Variants in ENTPD7 observed in about 807,000 individuals in gnomAD.
ENTPD7 encodes the protein ectonucleoside triphosphate diphosphohydrolase 7, also known as NTPDase 7.
In ENTPD7, 53 loss-of-function variants were observed where a neutral mutation model predicts 77.9. The ratio of observed to expected loss-of-function variants is 0.68; its 90% CI spans 0.55 to 0.85. ENTPD7 has a LOEUF of 0.85. Ranked by LOEUF, ENTPD7 falls within the 40% of genes least tolerant of loss-of-function variation. The probability of loss-of-function intolerance (pLI) is 0.00; values close to 1 mark genes in which losing one functional copy is unlikely to be tolerated. For synonymous variants in ENTPD7, 248 were observed against 274.9 expected (o/e 0.90, Z 0.97); for missense variants, 636 against 743.7 (o/e 0.86, Z 1.68).
chr10:99,676,325 A>G (rs1216300917), intron 3 of ENTPD7, among the ~76,000 whole-genome samples: 1 of 152,106 alleles, frequency 6.6e-6, no homozygotes, highest in Non-Finnish European at 1.5e-5. Flanking sequence ...GATAGATACA[A>G]CCTATGTCTA....
chr10:99,661,494 C>T lies in ENTPD7; in HGVS notation c.57C>T (p.Pro19=). Residue 19 remains proline (P), a synonymous_variant, in exon 3 of 13, where the codon CCC becomes CCT. Transcript: ENST00000370489. ...LCPASWYFTV[P]TVSPFLRQRV... The stretch of plus-strand genomic sequence containing the variant: ...CAGCCTCCTGGTACTTCACTGTGCC[C>T]ACAGTGAGTCCATTTCTCCGTCAGC... 6.2e-7 allele frequency: 1 copy of T among 1,613,668 alleles called. No individual in the cohort carries two copies. Among genetic ancestry groups the T allele is most frequent in the Non-Finnish European group, 8.5e-7 (1 of 1,179,868 alleles).
chr10:99,664,687 G>A (rs2035527179), intron 3 of ENTPD7, among the ~76,000 whole-genome samples: 1 of 150,438 alleles, frequency 6.6e-6, no homozygotes, highest in South Asian at 2.1e-4. Flanking sequence ...CTGACCTTGT[G>A]GTCTACCCAC....
In ENTPD7 at chr10:99,688,703, C is replaced by T. The variant is rs772483140; in HGVS notation, c.662C>T (p.Ala221Val). ...VISGKQEGVY[A>V]WIGINFVLGR... ...TCTGTTTCTTACTTAGGGGTTTATGCATGGATTGGAATCAACTTTGTTTTG... is the reference window on the plus strand; with the variant it reads ...TCTGTTTCTTACTTAGGGGTTTATGTATGGATTGGAATCAACTTTGTTTTG... The change falls in exon 7 of 13, where the codon GCA becomes GTA. Residue 221 changes from alanine (A) to valine (V), a missense_variant. Physicochemically the swap from Ala to Val is moderately conservative, Grantham distance 64 (BLOSUM62 0). Around this residue, in one of 3 missense-constraint regions of ENTPD7, gnomAD observed 486 missense variants for 556.5 expected, o/e 0.87. Transcript: ENST00000370489. The T allele has an allele frequency of 6.2e-7, 1 of 1,613,878 alleles. No homozygotes were observed. Among genetic ancestry groups the T allele is most frequent in the Middle Eastern group, 1.7e-4 (1 of 6,058 alleles).
intron 3 of ENTPD7, among the ~76,000 whole-genome samples, chr10:99,663,714 GCCT>G (rs2133437280): frequency 6.6e-6 from 1 of 152,178 alleles, no homozygotes; most frequent in African/African-American, 2.4e-5. Flanking sequence ...TCCTGCCTCG[GCCT>G]CCCAAAGTGC....
chr10:99,700,590 T>C (rs2036100530), intron 10 of ENTPD7, among the ~76,000 whole-genome samples: 1 of 152,190 alleles, frequency 6.6e-6, no homozygotes, highest in Non-Finnish European at 1.5e-5. Flanking sequence ...ATTATTTTGG[T>C]GAGAATTACA....
chr10:99,702,383 G>A (rs1381024428), intron 11 of ENTPD7, 129 bp from the exon 12 acceptor site: 6 of 710,024 alleles, frequency 8.5e-6, no homozygotes, highest in Non-Finnish European at 1.3e-5. Context: ...CCCACTTAGA[G>A]GTGAGGAAGG....
At position 99,703,585 on chromosome 10, in the gene ENTPD7, C is replaced by A. The variant is rs373744618; in HGVS notation, c.1584-867C>A. ...CTGGATCTGGACTGCTGAAGAGTGG[C>A]TTCTGTTCTAGCCAGGTGGACCATT... is the stretch of plus-strand genomic sequence containing the variant. On this transcript the variant is annotated intron_variant, in intron 12 of 12. Transcript: ENST00000370489. Among the ~76,000 whole-genome samples, 3 of 152,234 alleles carry A rather than the reference C, an allele frequency of 2.0e-5. No individual in the cohort carries two copies. The East Asian group carries it at 5.8e-4, about 29-fold the overall frequency.
At chr10:99,664,323 C>T (rs1455197785) in intron 3 of ENTPD7, among the ~76,000 whole-genome samples, 2 of 152,148 alleles carry the variant, frequency 1.3e-5, no homozygotes, top group South Asian at 2.1e-4. Flanking sequence ...TACAGTGGTG[C>T]GATCATAGCT....
At chr10:99,688,328 C>T (rs188516524) in intron 6 of ENTPD7, among the ~76,000 whole-genome samples, 11 of 152,296 alleles carry the variant, frequency 7.2e-5, no homozygotes, top group Non-Finnish European at 1.6e-4. Context: ...AAAGCTGCTC[C>T]ATGCATTCTA....
At position 99,659,573 on chromosome 10, in the gene ENTPD7, C is replaced by T. The variant is rs999769815; in HGVS notation, c.-111C>T. Reference sequence around the variant, plus strand: ...AACCGAGAGGTGCCGAAGGAACCGGCGGGCCGCTTGATCCCGTGAGTGTGG... The same window carrying T: ...AACCGAGAGGTGCCGAAGGAACCGGTGGGCCGCTTGATCCCGTGAGTGTGG... On this transcript the variant is annotated 5_prime_UTR_variant, in exon 1 of 13. Coordinates refer to ENST00000370489, the MANE Select transcript of ENTPD7 (RefSeq NM_020354.5). This position sits in a 1 kb window ranked among gnomAD's most constrained non-coding sequence, Gnocchi z 4.1. The T allele has an allele frequency of 1.1e-5, 2 of 175,436 alleles. No homozygotes were observed. The highest frequency in any genetic ancestry group is 1.2e-5 in the Non-Finnish European group (1 of 82,800). 10.9% of individuals were successfully genotyped at this position (175,436 alleles called of 1,614,324 possible). A position where few individuals can be genotyped will look rare whatever the true frequency, so the allele number is the denominator to read the frequency against.
chr10:99,664,569 C>T (rs1213067357), intron 3 of ENTPD7, among the ~76,000 whole-genome samples: 1 of 151,794 alleles, frequency 6.6e-6, no homozygotes, highest in African/African-American at 2.4e-5. Flanking sequence ...CCTGCCTCAG[C>T]CTCCTGAGTA....
intron 12 of ENTPD7, 105 bp from the exon 13 acceptor site, chr10:99,704,347 G>T: frequency 9.0e-7 from 1 of 1,109,178 alleles, no homozygotes; most frequent in Non-Finnish European, 1.3e-6. Flanking sequence ...ATGTTTATGT[G>T]GATGGAATAA....
In ENTPD7 at chr10:99,679,347, G is replaced by C. The variant is rs1179042193; in HGVS notation, c.278G>C (p.Ser93Thr). The C allele has an allele frequency of 1.9e-6, 3 of 1,614,166 alleles. No homozygotes were observed. The highest frequency in any genetic ancestry group is 2.5e-6 in the Non-Finnish European group (3 of 1,180,040). Residue 93 changes from serine (S) to threonine (T), a missense_variant, in exon 4 of 13, where the codon AGT (serine) becomes ACT (threonine). Ser to Thr is a moderately conservative substitution (Grantham distance 58). This residue lies in a region of ENTPD7 where 486 missense variants were observed against 556.5 expected (regional missense o/e 0.87). Coordinates refer to ENST00000370489, the MANE Select transcript of ENTPD7 (RefSeq NM_020354.5). Reference sequence around the variant, plus strand: ...GGACTTGTTGTTGACTGTGGCAGCAGTGGTTCCCGGATTTTTGTTTATTTC... The same window carrying C: ...GGACTTGTTGTTGACTGTGGCAGCACTGGTTCCCGGATTTTTGTTTATTTC... The part of the protein sequence containing the change: ...NYGLVVDCGS[S>T]GSRIFVYFWP...
chr10:99,669,893 G>A (rs1282882485), intron 3 of ENTPD7, among the ~76,000 whole-genome samples: 2 of 151,748 alleles, frequency 1.3e-5, no homozygotes, highest in Non-Finnish European at 2.9e-5. Context: ...GGGACTACAG[G>A]CACCCGCCAC....
At chr10:99,677,420 A>G (rs11190241) in intron 3 of ENTPD7, among the ~76,000 whole-genome samples, 122,855 of 145,724 alleles carry the variant, frequency 0.84, 51,874 homozygotes, top group Middle Eastern at 0.93. Context: ...GCTAGAGTGC[A>G]GTGGCACGAT....
chr10:99,677,748 T>C (rs906574819), intron 3 of ENTPD7, among the ~76,000 whole-genome samples: 1 of 152,236 alleles, frequency 6.6e-6, no homozygotes, highest in Non-Finnish European at 1.5e-5. Flanking sequence ...TCTTCTACTA[T>C]TTACTTTCCC....
chr10:99,698,429 G>A (rs1280580617), intron 9 of ENTPD7, 105 bp from the exon 10 acceptor site: 3 of 1,129,504 alleles, frequency 2.7e-6, no homozygotes, highest in Non-Finnish European at 3.7e-6. Flanking sequence ...GAGATATCAT[G>A]AAAACCAGTA....
intron 12 of ENTPD7, 104 bp from the exon 13 acceptor site, chr10:99,704,348 G>A: frequency 8.9e-7 from 1 of 1,118,102 alleles, no homozygotes; most frequent in Non-Finnish European, 1.3e-6. Context: ...TGTTTATGTG[G>A]ATGGAATAAA....
chr10:99,670,044 C>T (rs996995327), intron 3 of ENTPD7, among the ~76,000 whole-genome samples: 7 of 152,102 alleles, frequency 4.6e-5, no homozygotes, highest in East Asian at 1.9e-4. Context: ...TCACTGCGCC[C>T]GGCCGAGATG....
Sources: allele counts gnomAD v4.1 joint callset (sites outside exome capture counted in the v4.1 genomes callset), GRCh38; gene constraint gnomAD v4.1.1; regional missense constraint gnomAD v4.1.1; non-coding constraint Gnocchi (gnomAD v3.1); transcripts MANE v1.5; gene names NCBI Gene and HGNC (gene_info 2026-07-23, HGNC 2026-07-21).